Variants in RAB30 observed in about 807,000 individuals in gnomAD.
RAB30 encodes ras-related protein Rab-30.
In RAB30, 9 loss-of-function variants were observed where a neutral mutation model predicts 25.1. That is an observed-to-expected ratio of 0.36 (90% CI 0.22 to 0.63). The LOEUF is 0.63. RAB30 is among the 20% of genes least tolerant of loss of function. The probability of loss-of-function intolerance (pLI) is 0.69; values close to 1 mark genes in which losing one functional copy is unlikely to be tolerated. For missense variants in RAB30, 140 were observed against 243.5 expected (o/e 0.58, Z 2.83); for synonymous variants, 77 against 86.4 (o/e 0.89, Z 0.60).
At chr11:83,002,676 T>C (rs911748090) in intron 1 of RAB30, among the ~76,000 whole-genome samples, 41 of 138,496 alleles carry the variant, frequency 3.0e-4, no homozygotes, top group Non-Finnish European at 3.5e-4. Flanking sequence ...GGCTCACGCC[T>C]GTAACCCTAG....
At chr11:83,029,298 C>T (rs1857796681) in intron 1 of RAB30, among the ~76,000 whole-genome samples, 1 of 151,954 alleles carries the variant, frequency 6.6e-6, no homozygotes, top group South Asian at 2.1e-4. Flanking sequence ...AAGCAGACCC[C>T]CCAACACCCA....
At chr11:83,009,236 T>G (rs1278396772) in intron 1 of RAB30, among the ~76,000 whole-genome samples, 1 of 152,130 alleles carries the variant, frequency 6.6e-6, no homozygotes, top group Non-Finnish European at 1.5e-5. Flanking sequence ...TGGCTAATTT[T>G]CATATTTTTA....
chr11:83,007,111 G>T (rs1229027915), intron 1 of RAB30, among the ~76,000 whole-genome samples: 1 of 152,226 alleles, frequency 6.6e-6, no homozygotes, highest in Non-Finnish European at 1.5e-5. Context: ...ATAGTGACTT[G>T]CCTCAGGCCA....
chr11:83,002,579 TAAAAAG>T (rs1857108448), intron 1 of RAB30, among the ~76,000 whole-genome samples: 1 of 151,802 alleles, frequency 6.6e-6, no homozygotes, highest in Non-Finnish European at 1.5e-5. Flanking sequence ...ATGAAAAGCT[TAAAAAG>T]AAAAACAAAA....
intron 1 of RAB30, among the ~76,000 whole-genome samples, chr11:83,054,284 G>A (rs1858413177): frequency 6.6e-6 from 1 of 152,140 alleles, no homozygotes; most frequent in South Asian, 2.1e-4. Flanking sequence ...CATACTGTAT[G>A]ATAATCATCT....
Position 83,065,053 on chromosome 11 carries a change from C to T in RAB30, c.-9+6638G>A, listed in dbSNP as rs188986654. 1.2e-3 allele frequency among the ~76,000 whole-genome samples: 182 copies of T among 152,142 alleles called. 4 individuals carry two copies. The East Asian group carries it at 0.03, about 25-fold the overall frequency. ...ATAAGCCAGTTATTTTGCAGTATGT[C>T]CCACAATCTGGATTTGTCTGATTAT... On this transcript the variant is annotated intron_variant, in intron 1 of 4. Coordinates refer to ENST00000527633, the MANE Select transcript of RAB30 (RefSeq NM_001286060.2).
intron 1 of RAB30, among the ~76,000 whole-genome samples, chr11:83,029,385 G>A (rs1487978507): frequency 6.7e-6 from 1 of 150,060 alleles, no homozygotes; most frequent in Non-Finnish European, 1.5e-5. Flanking sequence ...TTTTTTCTTT[G>A]CTTAAATATT....
chr11:82,990,931 G>T (rs1334589167), intron 3 of RAB30, among the ~76,000 whole-genome samples: 1 of 152,094 alleles, frequency 6.6e-6, no homozygotes, highest in Non-Finnish European at 1.5e-5. Flanking sequence ...TGTTTTTACT[G>T]ATTTGGCGCT....
intron 1 of RAB30, among the ~76,000 whole-genome samples, chr11:83,022,966 T>C: frequency 9.4e-6 from 1 of 106,306 alleles, no homozygotes; most frequent in East Asian, 2.1e-4. Context: ...TATGCATATG[T>C]ATGTATGTGT....
intron 1 of RAB30, among the ~76,000 whole-genome samples, chr11:83,050,075 T>G (rs907209912): frequency 6.6e-6 from 1 of 151,996 alleles, no homozygotes; most frequent in Non-Finnish European, 1.5e-5. Flanking sequence ...CTGGGCAACA[T>G]AGGGAGACCT....
intron 1 of RAB30, among the ~76,000 whole-genome samples, chr11:83,020,539 G>C (rs1171544376): frequency 6.6e-6 from 1 of 152,228 alleles, no homozygotes; most frequent in Non-Finnish European, 1.5e-5. Context: ...AGGCAGACAA[G>C]CTCCTGGACA....
chr11:82,994,526 A>G (rs923585068), intron 2 of RAB30, among the ~76,000 whole-genome samples: 2 of 152,198 alleles, frequency 1.3e-5, no homozygotes, highest in African/African-American at 4.8e-5. Flanking sequence ...GGCAAAATGG[A>G]TAGGTTCTTT....
intron 1 of RAB30, among the ~76,000 whole-genome samples, chr11:82,999,060 C>T (rs1461233624): frequency 2.6e-5 from 4 of 152,190 alleles, no homozygotes; most frequent in African/African-American, 9.7e-5. Flanking sequence ...ATGTAGGTAG[C>T]TCATGGGGTT....
At chr11:83,038,874 C>T (rs1313697895) in intron 1 of RAB30, 2 of 151,428 alleles carry the variant, frequency 1.3e-5, no homozygotes, top group Non-Finnish European at 2.9e-5. Context: ...ACATCTATTA[C>T]TACAGATCCA....
chr11:82,987,905 TAAAAAAAAAAAAAA>T lies in RAB30; in HGVS notation c.178-149_178-136del, dbSNP rs35726383. ...ACAATTTCATGGTTATTTTCTGCCC[TAAAAAAAAAAAAAA>T]AAAAAAAAAAAAAAGCACTGAAAAT... On this transcript the variant is annotated intron_variant, in intron 3 of 4. Transcript: ENST00000527633. 22 of 35,430 alleles carry T rather than the reference TAAAAAAAAAAAAAA, an allele frequency of 6.2e-4. No homozygotes were observed. The East Asian group carries it at 9.0e-3, about 15-fold the overall frequency. The allele number at this position is 35,430 out of a possible 1,614,324, so 2.2% of individuals were successfully genotyped here.
rs990354970 is a variant in RAB30 at position 83,029,361 on chromosome 11, CT to C, written c.-8-32038del. Among the ~76,000 whole-genome samples, 21 of 151,930 alleles carry C rather than the reference CT, an allele frequency of 1.4e-4. No homozygotes were observed. The East Asian group carries it at 1.5e-3, about 11-fold the overall frequency. Reference sequence around the variant, plus strand: ...TTTGACACGTTAACTTAATCTATCCCTTTCCCCCCCTATTTTTTTCTTTGCT... The same window carrying C: ...TTTGACACGTTAACTTAATCTATCCCTTCCCCCCCTATTTTTTTCTTTGCT... On this transcript the variant is annotated intron_variant, in intron 1 of 4. Transcript: ENST00000527633.
intron 1 of RAB30, among the ~76,000 whole-genome samples, chr11:83,003,084 T>C (rs1857119210): frequency 6.6e-6 from 1 of 152,206 alleles, no homozygotes; most frequent in Non-Finnish European, 1.5e-5. Context: ...AGTGTGGTTA[T>C]GCTTCCATAT....
intron 1 of RAB30, among the ~76,000 whole-genome samples, chr11:83,022,273 C>T (rs928120731): frequency 1.3e-5 from 2 of 152,154 alleles, no homozygotes; most frequent in Non-Finnish European, 2.9e-5. Context: ...GATTGTCCCA[C>T]CTCAGCCTCC....
chr11:83,050,228 C>T (rs751709191), intron 1 of RAB30, among the ~76,000 whole-genome samples: 26 of 151,896 alleles, frequency 1.7e-4, no homozygotes, highest in Non-Finnish European at 1.3e-4. Context: ...TGCACTCCAA[C>T]CTGGGCAACA....
Sources: gnomAD v4.1 joint callset for allele counts (sites outside exome capture counted in the v4.1 genomes callset) on GRCh38, gnomAD v4.1.1 for gene constraint, MANE v1.5 for transcripts, NCBI Gene and HGNC (gene_info 2026-07-23, HGNC 2026-07-21) for gene names.